Variants in ZMIZ2 observed in about 807,000 individuals in gnomAD.
ZMIZ2 encodes zinc finger MIZ-type containing 2.
ZMIZ2 carries 26 observed loss-of-function variants against 93.9 expected under a neutral mutation model. The observed-to-expected ratio is 0.28, with a 90% CI of 0.20 to 0.38. ZMIZ2 has a LOEUF of 0.38. Ranked by LOEUF, ZMIZ2 falls within the 10% of genes least tolerant of loss-of-function variation. ZMIZ2 has a pLI of 1.00. For missense variants in ZMIZ2, 1,023 were observed against 1,235.0 expected (o/e 0.83, Z 2.57); for synonymous variants, 485 against 516.4 (o/e 0.94, Z 0.82).
intron 1 of ZMIZ2, among the ~76,000 whole-genome samples, chr7:44,755,388 C>A (rs976287332): frequency 6.6e-6 from 1 of 152,180 alleles, no homozygotes; most frequent in African/African-American, 2.4e-5. Context: ...AGTGGGTCTG[C>A]CTGCCTGGCC....
chr7:44,757,925 G>A lies in ZMIZ2; in HGVS notation c.630G>A (p.Met210Ile). ...GGGGGCCTAGTGTCCCCGCTGGCAT[G>A]AACCCTACTGGCATAGGAGGGGTAA... Reference protein sequence around the residue: ...GPRGPSVPAGMNPTGIGGVMG... With the variant: ...GPRGPSVPAGINPTGIGGVMG... Residue 210 changes from methionine (M) to isoleucine (I), a missense_variant, in exon 6 of 19, where the codon ATG (methionine) becomes ATA (isoleucine). By Grantham distance (10) the Met-to-Ile change is conservative (BLOSUM62 1). Transcript: ENST00000309315. The A allele has an allele frequency of 2.5e-6, 4 of 1,611,788 alleles. No individual in the cohort carries two copies. Among genetic ancestry groups the A allele is most frequent in the Non-Finnish European group, 3.4e-6 (4 of 1,178,858 alleles).
Position 44,761,658 on chromosome 7 carries a change from G to A in ZMIZ2, c.1386-37G>A, listed in dbSNP as rs1791193968. 10 of 1,613,536 alleles carry A rather than the reference G, an allele frequency of 6.2e-6. No individual in the cohort carries two copies. The highest frequency in any genetic ancestry group is 8.5e-6 in the Non-Finnish European group (10 of 1,179,746). ...CTGTTCCTCCTCCCACACTCTCAGGGCCCGTTTTCTGGGTGTCCACCCATC... is the reference window on the plus strand; with the variant it reads ...CTGTTCCTCCTCCCACACTCTCAGGACCCGTTTTCTGGGTGTCCACCCATC... On this transcript the variant is annotated intron_variant, in intron 10 of 18. Coordinates refer to ENST00000309315, the MANE Select transcript of ZMIZ2 (RefSeq NM_031449.4). This position sits in a 1 kb window ranked among gnomAD's most constrained non-coding sequence, Gnocchi z 5.8.
upstream of ZMIZ2, chr7:44,748,722 G>C (rs952167642): frequency 2.2e-4 from 33 of 150,500 alleles, no homozygotes; most frequent in African/African-American, 7.3e-4. Flanking sequence ...CTGCCGCTTT[G>C]GGCCGCTCGG....
At chr7:44,754,277 G>A (rs1474036075) in intron 1 of ZMIZ2, among the ~76,000 whole-genome samples, 1 of 152,182 alleles carries the variant, frequency 6.6e-6, no homozygotes, top group Non-Finnish European at 1.5e-5. Flanking sequence ...TAGAGTCCAG[G>A]TGCCTGGAGC....
chr7:44,759,190 G>A (rs540070105), intron 6 of ZMIZ2, 91 bp from the exon 7 acceptor site: 108 of 1,225,772 alleles, frequency 8.8e-5, no homozygotes, highest in Middle Eastern at 2.1e-4. Context: ...TCCATTCCCC[G>A]AACCCTGCCA....
chr7:44,755,919 C>G (rs970184860), intron 1 of ZMIZ2, among the ~76,000 whole-genome samples: 2 of 152,260 alleles, frequency 1.3e-5, no homozygotes, highest in Admixed American at 6.5e-5. Context: ...GGAAGTCCAT[C>G]TCTAGGGCTG....
chr7:44,757,384 A>C lies in ZMIZ2; in HGVS notation c.375A>C (p.Ala125=). 5 of 1,599,804 alleles carry C rather than the reference A, an allele frequency of 3.1e-6. No homozygotes were observed. Among genetic ancestry groups the C allele is most frequent in the Non-Finnish European group, 4.2e-6 (5 of 1,178,862 alleles). The change falls in exon 5 of 19, where the codon GCA becomes GCC. Residue 125 remains alanine, a synonymous_variant. Coordinates refer to ENST00000309315, the MANE Select transcript of ZMIZ2 (RefSeq NM_031449.4). ...AATCCTGTGTCTCCTGCAGGTATGC[A>C]GGCGGCCCGGGGGGCCTGGGCCTCC... ...PGAPGFTTGY[A]GGPGGLGLPS...
intron 11 of ZMIZ2, 90 bp from the exon 12 acceptor site, chr7:44,762,791 C>A: frequency 1.0e-6 from 1 of 999,962 alleles, no homozygotes; most frequent in South Asian, 2.5e-5. Context: ...CCTGGCAGCC[C>A]CTGACACACA....
chr7:44,756,109 G>A, intron 1 of ZMIZ2, 79 bp from the exon 2 acceptor site: 1 of 1,160,622 alleles, frequency 8.6e-7, no homozygotes. Context: ...GGGGCCTGCT[G>A]GCACCGGGGT....
rs747646466 is a variant in ZMIZ2, at chr7:44,762,996, T to G, written c.1702+10T>G. ...CACTGCATCACCAAGAGTGAGTGGC[T>G]CCTGCCCCTCAGCTGCCAGGCAGCC... On this transcript the variant is annotated intron_variant, in intron 12 of 18. Coordinates refer to ENST00000309315, the MANE Select transcript of ZMIZ2 (RefSeq NM_031449.4). 2 of 1,602,862 alleles carry G rather than the reference T, an allele frequency of 1.2e-6. No individual in the cohort carries two copies. Among genetic ancestry groups the G allele is most frequent in the African/African-American group, 2.7e-5 (2 of 74,614 alleles).
Position 44,767,561 on chromosome 7 carries a change from G to A in ZMIZ2, c.2701G>A (p.Gly901Ser). 3 of 1,614,028 alleles carry A rather than the reference G, an allele frequency of 1.9e-6. No homozygotes were observed. Among genetic ancestry groups the A allele is most frequent in the Non-Finnish European group, 2.5e-6 (3 of 1,180,000 alleles). The change falls in exon 19 of 19, where the codon GGC (glycine) becomes AGC (serine). Residue 901 changes from glycine to serine, a missense_variant. Coordinates refer to ENST00000309315, the MANE Select transcript of ZMIZ2 (RefSeq NM_031449.4). Reference protein sequence around the residue: ...TNPDELLSYLGPPDLPTNNND... With the variant: ...TNPDELLSYLSPPDLPTNNND... Reference sequence around the variant, plus strand: ...CCCTGATGAGCTACTGTCCTACTTGGGCCCACCCGACCTCCCTACGAACAA... The same window carrying A: ...CCCTGATGAGCTACTGTCCTACTTGAGCCCACCCGACCTCCCTACGAACAA...
chr7:44,763,499 C>G lies in ZMIZ2; in HGVS notation c.1860+86C>G. The stretch of plus-strand genomic sequence containing the variant: ...ACATCAGTGTCATTCTCTGGACAGA[C>G]GTGAACTCCGAGTGCCTTGGCTGTC... On this transcript the variant is annotated intron_variant, in intron 13 of 18. Transcript: ENST00000309315. This position sits in a 1 kb window ranked among gnomAD's most constrained non-coding sequence, Gnocchi z 5.6. The G allele has an allele frequency of 6.5e-7, 1 of 1,529,040 alleles. No individual in the cohort carries two copies. The allele number at this position is 1,529,040 out of a possible 1,614,324, so 94.7% of individuals were successfully genotyped here. A position where few individuals can be genotyped will look rare whatever the true frequency, so the allele number is the denominator to read the frequency against.
intron 6 of ZMIZ2, 117 bp from the exon 7 acceptor site, chr7:44,759,164 A>T: frequency 1.1e-6 from 1 of 936,556 alleles, no homozygotes; most frequent in Non-Finnish European, 1.5e-6. Context: ...AGGATCTTCA[A>T]GGGAACCAGG....
rs1356689539 is a variant in ZMIZ2, at chr7:44,766,539, C to T, written c.2531C>T (p.Ser844Phe). 6.2e-7 allele frequency: 1 copy of T among 1,614,102 alleles called. No homozygotes were observed. Among genetic ancestry groups the T allele is most frequent in the East Asian group, 2.2e-5 (1 of 44,882 alleles). Residue 844 changes from serine to phenylalanine, a missense_variant, in exon 18 of 19, where the codon TCC becomes TTC. Ser to Phe is a radical substitution (Grantham distance 155, BLOSUM62 -2). Around this residue, in one of 3 missense-constraint regions of ZMIZ2, gnomAD observed 319 missense variants for 358.8 expected, o/e 0.89. Coordinates refer to ENST00000309315, the MANE Select transcript of ZMIZ2 (RefSeq NM_031449.4). The surrounding 1 kb of genome is among the most constrained non-coding windows in gnomAD (Gnocchi z 4.4). ...QLHHSNPPPA[S>F]RQSLGQASLG... is the part of the protein sequence containing the mutation. ...CACCATTCAAACCCTCCCCCAGCGTCCCGGCAGTCCTTGGGCCAAGCGAGC... is the reference window on the plus strand; with the variant it reads ...CACCATTCAAACCCTCCCCCAGCGTTCCGGCAGTCCTTGGGCCAAGCGAGC...
In ZMIZ2 at chr7:44,761,239, C is replaced by T. The variant is rs1280970644; in HGVS notation, c.1241-210C>T. Among the ~76,000 whole-genome samples the T allele has an allele frequency of 6.6e-6, 1 of 152,236 alleles. No homozygotes were observed. The highest frequency in any genetic ancestry group is 1.9e-4 in the East Asian group (1 of 5,190). On this transcript the variant is annotated intron_variant, in intron 9 of 18. Transcript: ENST00000309315. This position sits in a 1 kb window ranked among gnomAD's most constrained non-coding sequence, Gnocchi z 5.8. ...AGGCAGGAGGCAAGACAGAACATCA[C>T]GACCGAATGCCCAGGCCTCAGGAGA... is the stretch of plus-strand genomic sequence containing the variant.
In ZMIZ2 at chr7:44,765,088, G is replaced by T; in HGVS notation, c.1997+79G>T. 1 of 1,570,188 alleles carries T rather than the reference G, an allele frequency of 6.4e-7. No individual in the cohort carries two copies. Among genetic ancestry groups the T allele is most frequent in the Non-Finnish European group, 8.7e-7 (1 of 1,144,472 alleles). ...CAGGACATGTCGGGGGATGTCCCTT[G>T]CCAAGTGCAGCCTTCCAGCCTTTTT... On this transcript the variant is annotated intron_variant, in intron 15 of 18. Coordinates refer to ENST00000309315, the MANE Select transcript of ZMIZ2 (RefSeq NM_031449.4). The surrounding 1 kb of genome is among the most constrained non-coding windows in gnomAD (Gnocchi z 4.1).
Position 44,765,281 on chromosome 7 carries a change from T to C in ZMIZ2, c.1998-54T>C. 6.3e-7 allele frequency: 1 copy of C among 1,598,690 alleles called. No homozygotes were observed. The highest frequency in any genetic ancestry group is 8.5e-7 in the Non-Finnish European group (1 of 1,171,334). On this transcript the variant is annotated intron_variant, in intron 15 of 18. Coordinates refer to ENST00000309315, the MANE Select transcript of ZMIZ2 (RefSeq NM_031449.4). The surrounding 1 kb of genome is among the most constrained non-coding windows in gnomAD (Gnocchi z 4.1). ...GCCCAGGGCTGGGAGGGGCAGTGGGTGCCGGGCCAGCAGCAGGCCAGGAGG... is the reference window on the plus strand; with the variant it reads ...GCCCAGGGCTGGGAGGGGCAGTGGGCGCCGGGCCAGCAGCAGGCCAGGAGG...
In ZMIZ2 at chr7:44,757,874, C is replaced by T. The variant is rs1404723725; in HGVS notation, c.579C>T (p.Ser193=). Reference sequence around the variant, plus strand: ...TGGGGGCCGGACAGTCTTTTAACAGCCAGTTTCTGCAGCATGGAGGTCCCC... The same window carrying T: ...TGGGGGCCGGACAGTCTTTTAACAGTCAGTTTCTGCAGCATGGAGGTCCCC... ...GAMGAGQSFN[S]QFLQHGGPRG... The change falls in exon 6 of 19, where the codon AGC becomes AGT. Residue 193 remains serine (S), a synonymous_variant. Coordinates refer to ENST00000309315, the MANE Select transcript of ZMIZ2 (RefSeq NM_031449.4). 1.9e-6 allele frequency: 3 copies of T among 1,590,684 alleles called. No homozygotes were observed. Among genetic ancestry groups the T allele is most frequent in the South Asian group, 2.3e-5 (2 of 87,992 alleles).
chr7:44,766,358 G>A lies in ZMIZ2; in HGVS notation c.2412+25G>A, dbSNP rs1340931215. On this transcript the variant is annotated intron_variant, in intron 17 of 18. Coordinates refer to ENST00000309315, the MANE Select transcript of ZMIZ2 (RefSeq NM_031449.4). The surrounding 1 kb of genome is among the most constrained non-coding windows in gnomAD (Gnocchi z 4.4). ...GGTCAGTGCCAAGCCGAGAGGCCAA[G>A]GGGCCCTGTCTCCCCAGGGGAGCCC... 6 of 1,606,080 alleles carry A rather than the reference G, an allele frequency of 3.7e-6. No homozygotes were observed. The highest frequency in any genetic ancestry group is 1.7e-5 in the Admixed American group (1 of 59,410).
Sources: allele counts gnomAD v4.1 joint callset (sites outside exome capture counted in the v4.1 genomes callset), GRCh38; gene constraint gnomAD v4.1.1; regional missense constraint gnomAD v4.1.1; non-coding constraint Gnocchi (gnomAD v3.1); transcripts MANE v1.5; gene names NCBI Gene and HGNC (gene_info 2026-07-23, HGNC 2026-07-21).